MBD3L1: variants seen among roughly 807,000 people sequenced by gnomAD.
MBD3L1 encodes the protein methyl-CpG-binding domain protein 3-like 1.
For missense variants in MBD3L1, 203 were observed against 230.1 expected, an observed-to-expected ratio of 0.88 and a Z score of 0.76; for synonymous variants, 84 against 85.1, an observed-to-expected ratio of 0.99 and a Z score of 0.07.
chr19:8,837,840 TAAGGAAG>T (rs1159346624), intron 1 of MBD3L1, among the ~76,000 whole-genome samples: 1 of 151,906 alleles, frequency 6.6e-6, no homozygotes, highest in Non-Finnish European at 1.5e-5. Flanking sequence ...TTTTGGTTAG[TAAGGAAG>T]AGAAGGAGGT....
At chr19:8,833,329 A>T (rs1034095947) in intron 1 of MBD3L1, 2 of 152,240 alleles carry the variant, frequency 1.3e-5, no homozygotes, top group Admixed American at 6.5e-5. Context: ...GGGGAGCAGG[A>T]GAGGACTGGG....
rs765959320 is a variant in MBD3L1, at chr19:8,843,062, G to C, written c.384G>C (p.Ala128=). The C allele has an allele frequency of 1.9e-6, 3 of 1,613,966 alleles. No homozygotes were observed. The African/African-American group carries it at 4.0e-5, about 22-fold the overall frequency. Residue 128 remains alanine, a synonymous_variant, in exon 3 of 3, where the codon GCG becomes GCC. Coordinates refer to ENST00000595891, the MANE Select transcript of MBD3L1 (RefSeq NM_001393532.1). The stretch of plus-strand genomic sequence containing the variant: ...CCCACCTTGCCTGCTCTTCAGATGC[G>C]GTGGAGATAATTCCTGCAGAGGGAG... ...PMPHLACSSD[A]VEIIPAEGVG... is the part of the protein sequence containing the mutation.
At position 8,842,811 on chromosome 19, in the gene MBD3L1, C is replaced by A; in HGVS notation, c.133C>A (p.His45Asn). The part of the protein sequence containing the change: ...FKRPVTRITP[H>N]PGNEVRYHQW... ...GAGGCCAGTAACGAGAATTACACCC[C>A]ATCCTGGCAATGAGGTCAGATACCA... The change falls in exon 3 of 3, where the codon CAT becomes AAT. Residue 45 changes from histidine to asparagine, a missense_variant. By Grantham distance (68) the His-to-Asn change is moderately conservative. Transcript: ENST00000595891. 1.2e-6 allele frequency: 2 copies of A among 1,614,222 alleles called. No individual in the cohort carries two copies. The highest frequency in any genetic ancestry group is 1.7e-6 in the Non-Finnish European group (2 of 1,180,040).
At chr19:8,840,512 C>T (rs941188184) in intron 1 of MBD3L1, among the ~76,000 whole-genome samples, 2 of 152,248 alleles carry the variant, frequency 1.3e-5, no homozygotes, top group South Asian at 2.1e-4. Context: ...CCTACGTTGC[C>T]CTGACTGGTC....
At chr19:8,842,097 G>A (rs574866959) in intron 2 of MBD3L1, among the ~76,000 whole-genome samples, 5 of 152,050 alleles carry the variant, frequency 3.3e-5, no homozygotes, top group African/African-American at 9.6e-5. Flanking sequence ...GGAGGTCGAG[G>A]GGGGGTGGAT....
intron 1 of MBD3L1, among the ~76,000 whole-genome samples, chr19:8,837,385 T>C (rs1345829721): frequency 1.3e-5 from 2 of 152,252 alleles, no homozygotes; most frequent in African/African-American, 4.8e-5. Flanking sequence ...ACAATGTCAA[T>C]GTACATTTAG....
At chr19:8,833,760 A>G (rs529646014) in intron 1 of MBD3L1, among the ~76,000 whole-genome samples, 2 of 152,190 alleles carry the variant, frequency 1.3e-5, no homozygotes, top group Admixed American at 6.5e-5. Context: ...AGGCCGAGGC[A>G]GGCAGATCAC....
At chr19:8,842,564 G>C in intron 2 of MBD3L1, 94 bp from the exon 3 acceptor site, 2 of 872,684 alleles carry the variant, frequency 2.3e-6, no homozygotes, top group Non-Finnish European at 1.7e-6. Flanking sequence ...GAGGGAGAGA[G>C]GAAGGATGAA....
At position 8,843,123 on chromosome 19, in the gene MBD3L1, G is replaced by A. The variant is rs149730386; in HGVS notation, c.445G>A (p.Val149Ile). 106 of 1,613,700 alleles carry A rather than the reference G, an allele frequency of 6.6e-5. No homozygotes were observed. In the African/African-American group the frequency reaches 1.3e-3, roughly 20 times the overall value. ...GCAGCTCCTCTGCAAACAATTTCTG[G>A]TTACTGAGGAAGATATCAGGAAACA... is the stretch of plus-strand genomic sequence containing the variant. ...ISQLLCKQFLVTEEDIRKQEG... is the reference protein window; with the variant it reads ...ISQLLCKQFLITEEDIRKQEG... Residue 149 changes from valine to isoleucine, a missense_variant, in exon 3 of 3, where the codon GTT becomes ATT. Coordinates refer to ENST00000595891, the MANE Select transcript of MBD3L1 (RefSeq NM_001393532.1).
intron 1 of MBD3L1, among the ~76,000 whole-genome samples, chr19:8,838,252 C>CAAAAAAAAAAAAAAAA (rs542318207): frequency 0.012 from 143 of 11,830 alleles, 55 homozygotes; most frequent in Non-Finnish European, 0.019. Flanking sequence ...GACTCCATCT[C>CAAAAAAAAAAAAAAAA]AAAAAAAAAA....
At chr19:8,839,676 G>A (rs372320070) in intron 1 of MBD3L1, among the ~76,000 whole-genome samples, 222 of 152,224 alleles carry the variant, frequency 1.5e-3, no homozygotes, top group African/African-American at 5.1e-3. Flanking sequence ...AGCTGAGAAC[G>A]GTGAAGGAAA....
At chr19:8,836,617 G>A (rs988677269) in intron 1 of MBD3L1, among the ~76,000 whole-genome samples, 4 of 151,854 alleles carry the variant, frequency 2.6e-5, no homozygotes, top group East Asian at 3.9e-4. Context: ...TCAGCTTCCC[G>A]AGTAGCTGGG....
intron 2 of MBD3L1, among the ~76,000 whole-genome samples, chr19:8,841,751 T>C (rs2044515000): frequency 6.6e-6 from 1 of 151,968 alleles, no homozygotes; most frequent in African/African-American, 2.4e-5. Flanking sequence ...GAGATGGGGT[T>C]TCGCCATGTT....
chr19:8,837,713 T>C (rs1357605278), intron 1 of MBD3L1, among the ~76,000 whole-genome samples: 1 of 152,190 alleles, frequency 6.6e-6, no homozygotes, highest in Non-Finnish European at 1.5e-5. Flanking sequence ...CTGAGGATAC[T>C]TTATACTCTG....
chr19:8,838,660 G>A (rs2044479955), intron 1 of MBD3L1, among the ~76,000 whole-genome samples: 1 of 152,192 alleles, frequency 6.6e-6, no homozygotes, highest in African/African-American at 2.4e-5. Flanking sequence ...GACGTTTTAG[G>A]TGCGACTGGC....
intron 1 of MBD3L1, among the ~76,000 whole-genome samples, chr19:8,833,874 G>A (rs2145335863): frequency 6.6e-6 from 1 of 152,220 alleles, no homozygotes; most frequent in East Asian, 1.9e-4. Context: ...TGTAATCCCA[G>A]GTACTTGGGA....
intron 1 of MBD3L1, among the ~76,000 whole-genome samples, chr19:8,837,286 C>T (rs936530980): frequency 6.6e-6 from 1 of 152,134 alleles, no homozygotes; most frequent in Non-Finnish European, 1.5e-5. Context: ...GATCATCTAC[C>T]TCCTATTTAA....
intron 1 of MBD3L1, among the ~76,000 whole-genome samples, chr19:8,840,346 G>A (rs752085003): frequency 1.6e-4 from 25 of 152,314 alleles, no homozygotes; most frequent in Admixed American, 9.8e-4. Flanking sequence ...CTGTTGCCAA[G>A]GCTAGAGTAC....
intron 1 of MBD3L1, among the ~76,000 whole-genome samples, chr19:8,840,523 T>G (rs141209729): frequency 8.7e-4 from 132 of 152,308 alleles, no homozygotes; most frequent in African/African-American, 3.0e-3. Flanking sequence ...CTGACTGGTC[T>G]CAAACTCCTG....
Sources: gnomAD v4.1 joint callset for allele counts (sites outside exome capture counted in the v4.1 genomes callset) on GRCh38, gnomAD v4.1.1 for gene constraint, MANE v1.5 for transcripts, NCBI Gene and HGNC (gene_info 2026-07-23, HGNC 2026-07-21) for gene names.